The following TRIO variants were observed in gnomAD, a reference collection of about 807,000 sequenced individuals.
TRIO encodes trio Rho guanine nucleotide exchange factor.
A neutral mutation model predicts 351.9 loss-of-function variants in TRIO; 58 were observed. The ratio of observed to expected loss-of-function variants is 0.16; its 90% CI spans 0.13 to 0.21. The LOEUF is 0.21. Ranked by LOEUF, TRIO falls within the 10% of genes least tolerant of loss-of-function variation. The probability of loss-of-function intolerance (pLI) is 1.00; values close to 1 mark genes in which losing one functional copy is unlikely to be tolerated. For synonymous variants in TRIO, 1,758 were observed against 1,595.7 expected, an observed-to-expected ratio of 1.10 and a Z score of -2.42; for missense variants, 3,201 against 4,027.8, an observed-to-expected ratio of 0.79 and a Z score of 5.56.
At chr5:14,266,610 T>C (rs1464346590) in intron 1 of TRIO, among the ~76,000 whole-genome samples, 1 of 152,226 alleles carries the variant, frequency 6.6e-6, no homozygotes, top group Non-Finnish European at 1.5e-5. Flanking sequence ...TGGCAAGTAG[T>C]ATGCTGAAAC....
intron 9 of TRIO, among the ~76,000 whole-genome samples, chr5:14,325,456 G>A (rs1454375187): frequency 5.9e-5 from 9 of 152,192 alleles, no homozygotes. Flanking sequence ...AAGAGAAAAA[G>A]GAGGGAGGTG....
intron 49 of TRIO, among the ~76,000 whole-genome samples, chr5:14,493,938 C>T (rs1267194328): frequency 6.6e-6 from 1 of 152,178 alleles, no homozygotes; most frequent in East Asian, 1.9e-4. Flanking sequence ...CAAAGCCCAA[C>T]CCAGAACAAG....
In TRIO at chr5:14,212,841, T is replaced by G. The variant is rs140282015; in HGVS notation, c.158-57984T>G. Among the ~76,000 whole-genome samples, 485 of 152,336 alleles carry G rather than the reference T, an allele frequency of 3.2e-3. 2 individuals carry two copies. The highest frequency in any genetic ancestry group is 0.016 in the South Asian group (77 of 4,826). ...TTGAGAAAGTGGTTCTCATGACTTA[T>G]ATTTGTATAGTACTCATACTTGTTC... On this transcript the variant is annotated intron_variant, in intron 1 of 56. Transcript: ENST00000344204.
chr5:14,459,703 A>G (rs1388138501), intron 34 of TRIO, among the ~76,000 whole-genome samples: 1 of 152,120 alleles, frequency 6.6e-6, no homozygotes, highest in Admixed American at 6.5e-5. Flanking sequence ...GTGCCACAGC[A>G]CTCCAGCCTG....
At chr5:14,395,650 C>T (rs1248570315) in intron 28 of TRIO, among the ~76,000 whole-genome samples, 2 of 152,224 alleles carry the variant, frequency 1.3e-5, no homozygotes, top group African/African-American at 2.4e-5. Flanking sequence ...CTGAGTTCCT[C>T]TCAAGTAACC....
intron 53 of TRIO, among the ~76,000 whole-genome samples, chr5:14,500,065 A>AAG (rs1346506118): frequency 1.3e-5 from 2 of 151,840 alleles, no homozygotes; most frequent in Non-Finnish European, 2.9e-5. Flanking sequence ...AAAAAAAAAA[A>AAG]AAAAGACTAT....
chr5:14,267,095 A>T (rs1795723875), intron 1 of TRIO, among the ~76,000 whole-genome samples: 1 of 152,222 alleles, frequency 6.6e-6, no homozygotes, highest in Non-Finnish European at 1.5e-5. Flanking sequence ...TAACTTAAAA[A>T]TTATATAATT....
rs553345936 is a variant in TRIO at position 14,416,218 on chromosome 5, T to A, written c.4960-3560T>A. ...GCTGAATGTTTTCTAGTTCGGAATT[T>A]AATTTTTCTTAAAAAGCAGTAACGA... is the stretch of plus-strand genomic sequence containing the variant. On this transcript the variant is annotated intron_variant, in intron 33 of 56. Coordinates refer to ENST00000344204, the MANE Select transcript of TRIO (RefSeq NM_007118.4). 2.8e-4 allele frequency among the ~76,000 whole-genome samples: 43 copies of A among 151,186 alleles called. No individual in the cohort carries two copies. In the South Asian group the frequency reaches 9.2e-3, roughly 32 times the overall value.
At chr5:14,421,685 T>A (rs1235840579) in intron 34 of TRIO, among the ~76,000 whole-genome samples, 1 of 150,902 alleles carries the variant, frequency 6.6e-6, no homozygotes, top group African/African-American at 2.4e-5. Context: ...GGGTCAGAAG[T>A]AACATGGAAA....
intron 48 of TRIO, 123 bp from the exon 49 acceptor site, chr5:14,492,444 C>T (rs529396714): frequency 7.4e-7 from 1 of 1,348,598 alleles, no homozygotes; most frequent in South Asian, 1.4e-5. Flanking sequence ...TTTCTCGGTG[C>T]TTGCCTGGTG....
At chr5:14,345,318 T>G (rs1249914969) in intron 11 of TRIO, among the ~76,000 whole-genome samples, 1 of 152,218 alleles carries the variant, frequency 6.6e-6, no homozygotes, top group Non-Finnish European at 1.5e-5. Flanking sequence ...ATATATTATC[T>G]TCATTTGTAA....
intron 34 of TRIO, among the ~76,000 whole-genome samples, chr5:14,436,650 T>C (rs964708258): frequency 6.6e-6 from 1 of 152,168 alleles, no homozygotes; most frequent in Non-Finnish European, 1.5e-5. Context: ...GGTATAGATA[T>C]TGGGTAAATA....
chr5:14,270,741 T>C (rs1256581897), intron 1 of TRIO, 84 bp from the exon 2 acceptor site: 10 of 985,788 alleles, frequency 1.0e-5, no homozygotes, highest in Non-Finnish European at 1.6e-5. Flanking sequence ...ATAAAGCTGC[T>C]GTGTTGGCAT....
chr5:14,345,509 A>G (rs569122598), intron 11 of TRIO, among the ~76,000 whole-genome samples: 19 of 152,366 alleles, frequency 1.2e-4, no homozygotes, highest in African/African-American at 4.6e-4. Flanking sequence ...CACAAGGTCA[A>G]GAGATGAAGT....
intron 10 of TRIO, among the ~76,000 whole-genome samples, chr5:14,333,146 G>A (rs886365660): frequency 6.6e-6 from 1 of 152,120 alleles, no homozygotes; most frequent in Non-Finnish European, 1.5e-5. Flanking sequence ...TGTATCACCC[G>A]CGGGCCACTT....
chr5:14,218,597 G>T (rs1792373142), intron 1 of TRIO, among the ~76,000 whole-genome samples: 1 of 152,222 alleles, frequency 6.6e-6, no homozygotes, highest in South Asian at 2.1e-4. Flanking sequence ...TAAGGAGCAG[G>T]TGGGCCCTGG....
Position 14,358,336 on chromosome 5 carries a change from C to T in TRIO, c.2205C>T (p.Ile735=), listed in dbSNP as rs144301629. 71 of 1,614,122 alleles carry T rather than the reference C, an allele frequency of 4.4e-5. No homozygotes were observed. In the African/African-American group the frequency reaches 7.5e-4, roughly 17 times the overall value. Residue 735 remains isoleucine (I), a synonymous_variant, in exon 12 of 57, where the codon ATC becomes ATT. Coordinates refer to ENST00000344204, the MANE Select transcript of TRIO (RefSeq NM_007118.4). The stretch of plus-strand genomic sequence containing the variant: ...TGATCAAGGAAGGGGAGGACCTCAT[C>T]CAGCAGCTCAGGTGGGCCTCACCCC... ...VNVIKEGEDL[I]QQLRDSAISS... is the part of the protein sequence containing the mutation.
chr5:14,215,053 A>G (rs1011857620), intron 1 of TRIO, among the ~76,000 whole-genome samples: 1 of 152,228 alleles, frequency 6.6e-6, no homozygotes, highest in Admixed American at 6.5e-5. Flanking sequence ...TGTAATTTAA[A>G]AAGGAGGCTA....
At chr5:14,284,494 C>T (rs1441133591) in intron 3 of TRIO, among the ~76,000 whole-genome samples, 2 of 152,172 alleles carry the variant, frequency 1.3e-5, no homozygotes, top group Admixed American at 6.5e-5. Flanking sequence ...CTTAGGAAGC[C>T]GCTGGGTGGG....
Sources: gnomAD v4.1 joint callset for allele counts (sites outside exome capture counted in the v4.1 genomes callset) on GRCh38, gnomAD v4.1.1 for gene constraint, MANE v1.5 for transcripts, NCBI Gene and HGNC (gene_info 2026-07-23, HGNC 2026-07-21) for gene names.